The following PBX3 variants were observed in gnomAD, a reference collection of about 807,000 sequenced individuals.
PBX3 encodes the protein PBX homeobox 3.
In PBX3, 14 loss-of-function variants were observed where a neutral mutation model predicts 48.5. The ratio of observed to expected loss-of-function variants is 0.29; its 90% CI spans 0.19 to 0.45. The LOEUF (loss-of-function observed/expected upper bound fraction) is 0.45. Ranked by LOEUF, PBX3 falls within the 20% of genes least tolerant of loss-of-function variation. The probability of loss-of-function intolerance (pLI) is 1.00; values close to 1 mark genes in which losing one functional copy is unlikely to be tolerated. For missense variants in PBX3, 386 were observed against 546.7 expected (o/e 0.71, Z 2.93); for synonymous variants, 210 against 200.3 (o/e 1.05, Z -0.41).
intron 2 of PBX3, among the ~76,000 whole-genome samples, chr9:125,824,478 G>A (rs1337914019): frequency 2.6e-5 from 4 of 152,086 alleles, no homozygotes; most frequent in Non-Finnish European, 5.9e-5. Flanking sequence ...TAATTAATTT[G>A]TTGTGCACAG....
At chr9:125,933,832 C>T (rs1253310443) in intron 4 of PBX3, among the ~76,000 whole-genome samples, 1 of 152,096 alleles carries the variant, frequency 6.6e-6, no homozygotes, top group Non-Finnish European at 1.5e-5. Context: ...GTCTATGGGC[C>T]AGATAATGTC....
At chr9:125,843,696 G>A (rs1011855299) in intron 2 of PBX3, 13 of 382,328 alleles carry the variant, frequency 3.4e-5, no homozygotes, top group East Asian at 8.8e-5. Context: ...ATGGAATTCC[G>A]TCTCTGTTAT....
intron 5 of PBX3, 37 bp from the exon 6 acceptor site, chr9:125,960,647 C>G: frequency 1.2e-6 from 2 of 1,602,810 alleles, no homozygotes; most frequent in Non-Finnish European, 1.7e-6. Flanking sequence ...ACTTCTTCCT[C>G]TCTTCCCCTT....
chr9:125,914,561 A>G (rs1841282982), intron 2 of PBX3, among the ~76,000 whole-genome samples: 1 of 152,198 alleles, frequency 6.6e-6, no homozygotes, highest in East Asian at 1.9e-4. Flanking sequence ...TGTAAGTTAC[A>G]CTAGACACAA....
chr9:125,846,214 C>T (rs1212599513), intron 2 of PBX3, among the ~76,000 whole-genome samples: 4 of 152,018 alleles, frequency 2.6e-5, no homozygotes, highest in Non-Finnish European at 5.9e-5. Context: ...TATAAATGCT[C>T]AGTAGTAGTA....
chr9:125,885,985 C>T (rs763846152), intron 2 of PBX3, among the ~76,000 whole-genome samples: 28 of 152,004 alleles, frequency 1.8e-4, no homozygotes, highest in Non-Finnish European at 1.9e-4. Context: ...TGTAACTAAA[C>T]AGAAAGTCTT....
intron 2 of PBX3, among the ~76,000 whole-genome samples, chr9:125,900,937 C>A (rs1450904952): frequency 2.0e-5 from 3 of 151,648 alleles, no homozygotes; most frequent in Non-Finnish European, 4.4e-5. Flanking sequence ...ATAATTTATT[C>A]TCTAACAAAA....
chr9:125,748,159 C>G, intron 1 of PBX3: 1 of 831,510 alleles, frequency 1.2e-6, no homozygotes, highest in African/African-American at 1.8e-5. Flanking sequence ...CAAACTTTGC[C>G]GAGCTGTCAC....
intron 5 of PBX3, among the ~76,000 whole-genome samples, chr9:125,945,796 G>A (rs574850061): frequency 1.4e-4 from 21 of 152,292 alleles, no homozygotes; most frequent in African/African-American, 5.1e-4. Flanking sequence ...GAAATGTTCA[G>A]TTTGGAAATA....
chr9:125,748,422 T>A, intron 1 of PBX3, 128 bp from the exon 2 acceptor site: 2 of 1,456,746 alleles, frequency 1.4e-6, no homozygotes, highest in South Asian at 2.8e-5. Flanking sequence ...TTTGTTGACT[T>A]CCCACGGTTC....
At chr9:125,844,650 A>G (rs1839380026) in intron 2 of PBX3, 1 of 152,256 alleles carries the variant, frequency 6.6e-6, no homozygotes, top group South Asian at 2.1e-4. Context: ...AGGACAAAAG[A>G]GATCATTATG....
At chr9:125,896,509 G>A (rs1243561606) in intron 2 of PBX3, among the ~76,000 whole-genome samples, 1 of 152,026 alleles carries the variant, frequency 6.6e-6, no homozygotes, top group African/African-American at 2.4e-5. Context: ...TAATGTGATA[G>A]GGTTGTAACT....
intron 4 of PBX3, among the ~76,000 whole-genome samples, chr9:125,934,015 G>T (rs1314279239): frequency 6.6e-6 from 1 of 151,956 alleles, no homozygotes; most frequent in Non-Finnish European, 1.5e-5. Flanking sequence ...TCTTCGTTCC[G>T]TTCCTTCCCT....
chr9:125,763,860 T>C (rs1161617434), intron 2 of PBX3, among the ~76,000 whole-genome samples: 1 of 152,232 alleles, frequency 6.6e-6, no homozygotes, highest in African/African-American at 2.4e-5. Context: ...CTCTCTGGTT[T>C]TTTTATTTCA....
chr9:125,793,366 A>AAAAATATATATATAT (rs59271982), intron 2 of PBX3, among the ~76,000 whole-genome samples: 1 of 101,976 alleles, frequency 9.8e-6, no homozygotes, highest in African/African-American at 4.2e-5. Flanking sequence ...GGAAAAAAAA[A>AAAAATATATATATAT]ATATATATAT....
intron 5 of PBX3, among the ~76,000 whole-genome samples, chr9:125,956,261 G>A (rs995543967): frequency 6.6e-6 from 1 of 152,174 alleles, no homozygotes; most frequent in Non-Finnish European, 1.5e-5. Context: ...ATAGCAGAGC[G>A]TGAATTTGAA....
At chr9:125,846,971 G>A (rs1000950927) in intron 2 of PBX3, among the ~76,000 whole-genome samples, 3 of 151,624 alleles carry the variant, frequency 2.0e-5, no homozygotes, top group Admixed American at 2.0e-4. Context: ...TTCCCAGTCT[G>A]TATTTTGCTG....
At chr9:125,939,943 C>T (rs185721476) in intron 5 of PBX3, among the ~76,000 whole-genome samples, 276 of 152,250 alleles carry the variant, frequency 1.8e-3, no homozygotes, top group Non-Finnish European at 3.2e-3. Flanking sequence ...TGGTGGCTCA[C>T]GCCTGTAATC....
chr9:125,755,817 T>C (rs774018059), intron 2 of PBX3, among the ~76,000 whole-genome samples: 14 of 151,958 alleles, frequency 9.2e-5, no homozygotes, highest in Non-Finnish European at 1.5e-4. Context: ...ACAGGATTTT[T>C]CTGAATATTA....
Sources: gnomAD v4.1 joint callset for allele counts (sites outside exome capture counted in the v4.1 genomes callset) on GRCh38, gnomAD v4.1.1 for gene constraint, MANE v1.5 for transcripts, NCBI Gene and HGNC (gene_info 2026-07-23, HGNC 2026-07-21) for gene names.